The following MAGI2 variants were observed in gnomAD, a reference collection of about 807,000 sequenced individuals.
MAGI2 encodes membrane associated guanylate kinase, WW and PDZ domain containing 2, also known as membrane-associated guanylate kinase, WW and PDZ domain-containing protein 2.
Under a neutral mutation model 133.3 loss-of-function variants are expected in MAGI2, and 35 were observed. The ratio of observed to expected loss-of-function variants is 0.26; its 90% CI spans 0.20 to 0.35. The LOEUF (loss-of-function observed/expected upper bound fraction) is 0.35. MAGI2 is among the 10% of genes least tolerant of loss of function. The pLI, the probability that MAGI2 is intolerant of heterozygous loss-of-function variation, is 1.00. For synonymous variants in MAGI2, 729 were observed against 710.6 expected (o/e 1.03, Z -0.41); for missense variants, 1,636 against 1,863.4 (o/e 0.88, Z 2.25).
In MAGI2 at chr7:78,882,940, T is replaced by C. The variant is rs187382993; in HGVS notation, c.418+124150A>G. On this transcript the variant is annotated intron_variant, in intron 2 of 21. Transcript: ENST00000354212. ...AAAGCTGGAAGCACTCCCTTAAGAA[T>C]AGAAAGAAGATAAGGATGCCCACTC... is the stretch of plus-strand genomic sequence containing the variant. Among the ~76,000 whole-genome samples the C allele has an allele frequency of 5.3e-5, 8 of 151,996 alleles. No individual in the cohort carries two copies. The East Asian group carries it at 1.4e-3, about 26-fold the overall frequency.
At chr7:78,355,786 T>G (rs1162759800) in intron 7 of MAGI2, among the ~76,000 whole-genome samples, 2 of 152,340 alleles carry the variant, frequency 1.3e-5, no homozygotes, top group African/African-American at 2.4e-5. Flanking sequence ...ATTACGAAAT[T>G]GGAAACTTTA....
chr7:78,505,742 T>G lies in MAGI2; in HGVS notation c.755-3955A>C, dbSNP rs186644211. Among the ~76,000 whole-genome samples, 86 of 152,318 alleles carry G rather than the reference T, an allele frequency of 5.6e-4. 1 individual carries two copies. Among genetic ancestry groups the G allele is most frequent in the African/African-American group, 2.0e-3 (82 of 41,576 alleles). Reference sequence around the variant, plus strand: ...ATGTGTAGTCTTTATACAATAATTTTAAGTGTGATGAGTGCTGCCTAAGGG... The same window carrying G: ...ATGTGTAGTCTTTATACAATAATTTGAAGTGTGATGAGTGCTGCCTAAGGG... On this transcript the variant is annotated intron_variant, in intron 4 of 21. Coordinates refer to ENST00000354212, the MANE Select transcript of MAGI2 (RefSeq NM_012301.4).
chr7:79,395,644 T>C (rs565764002), intron 1 of MAGI2, among the ~76,000 whole-genome samples: 1 of 152,320 alleles, frequency 6.6e-6, no homozygotes, highest in African/African-American at 2.4e-5. Context: ...TCAATTTACA[T>C]TGAACCATTT....
chr7:78,375,410 T>C (rs1794347926), intron 6 of MAGI2, among the ~76,000 whole-genome samples: 1 of 152,038 alleles, frequency 6.6e-6, no homozygotes, highest in African/African-American at 2.4e-5. Context: ...TCATGTAAGG[T>C]TGTATGGAGG....
At chr7:79,293,709 T>A (rs1339973731) in intron 1 of MAGI2, among the ~76,000 whole-genome samples, 1 of 152,198 alleles carries the variant, frequency 6.6e-6, no homozygotes, top group Non-Finnish European at 1.5e-5. Context: ...AAATCACTGG[T>A]CAAGGGACAG....
intron 6 of MAGI2, among the ~76,000 whole-genome samples, chr7:78,401,569 G>A (rs988693501): frequency 7.3e-5 from 11 of 151,522 alleles, no homozygotes; most frequent in African/African-American, 1.7e-4. Context: ...CTTTATTCCC[G>A]TTACATATAT....
chr7:78,283,415 A>C (rs948372602), intron 9 of MAGI2, among the ~76,000 whole-genome samples: 21 of 152,250 alleles, frequency 1.4e-4, no homozygotes, highest in Admixed American at 1.0e-3. Context: ...AGTATTTGCC[A>C]AGAAAGAAGG....
intron 11 of MAGI2, among the ~76,000 whole-genome samples, chr7:78,196,379 GCATAGTTAGTA>G (rs1490339923): frequency 2.6e-5 from 4 of 152,060 alleles, no homozygotes; most frequent in African/African-American, 7.3e-5. Context: ...TATTACCAGT[GCATAGTTAGTA>G]CTCAGAAAAA....
intron 2 of MAGI2, among the ~76,000 whole-genome samples, chr7:78,753,510 G>A (rs1585296362): frequency 6.6e-6 from 1 of 152,012 alleles, no homozygotes; most frequent in East Asian, 1.9e-4. Context: ...TCATAAGAGG[G>A]GAAGAGAGAA....
At chr7:78,691,572 T>C (rs929992914) in intron 2 of MAGI2, among the ~76,000 whole-genome samples, 1 of 152,138 alleles carries the variant, frequency 6.6e-6, no homozygotes, top group African/African-American at 2.4e-5. Context: ...GTGTATGATA[T>C]TGTATAAAAA....
At chr7:78,717,647 CT>C (rs1415922496) in intron 2 of MAGI2, among the ~76,000 whole-genome samples, 1 of 152,118 alleles carries the variant, frequency 6.6e-6, no homozygotes, top group Admixed American at 6.5e-5. Context: ...TTTTTATTTA[CT>C]GCAAACTATA....
intron 1 of MAGI2, among the ~76,000 whole-genome samples, chr7:79,391,367 A>T (rs1844594024): frequency 6.6e-6 from 1 of 151,406 alleles, no homozygotes; most frequent in African/African-American, 2.4e-5. Flanking sequence ...TATACAGAAA[A>T]TGACTTCATT....
At chr7:78,771,781 GA>G (rs560707640) in intron 2 of MAGI2, among the ~76,000 whole-genome samples, 11 of 149,892 alleles carry the variant, frequency 7.3e-5, no homozygotes, top group Non-Finnish European at 1.5e-4. Flanking sequence ...AATGTGAAAG[GA>G]AAAAAAAATA....
chr7:79,273,559 G>C (rs1835027545), intron 1 of MAGI2, among the ~76,000 whole-genome samples: 1 of 151,958 alleles, frequency 6.6e-6, no homozygotes, highest in African/African-American at 2.4e-5. Context: ...TCATTGATCA[G>C]CCTGAACCTG....
intron 4 of MAGI2, among the ~76,000 whole-genome samples, chr7:78,506,373 A>G (rs1293200587): frequency 6.6e-6 from 1 of 152,130 alleles, no homozygotes; most frequent in Non-Finnish European, 1.5e-5. Context: ...GAGAATTCTT[A>G]GATGGAAAAA....
At position 78,127,343 on chromosome 7, in the gene MAGI2, G is replaced by T. The variant is rs1407315017; in HGVS notation, c.3277C>A (p.Gln1093Lys). Residue 1093 changes from glutamine to lysine, a missense_variant, in exon 19 of 22, where the codon CAG becomes AAG. Gln to Lys is a moderately conservative substitution (Grantham distance 53, BLOSUM62 1). Coordinates refer to ENST00000354212, the MANE Select transcript of MAGI2 (RefSeq NM_012301.4). ...GGTTGCCTGTAATCCAGCGGGGGCT[G>T]CCTGTAGTCTGTGAATGGAGGCTGT... ...IRQPPFTDYR[Q>K]PPLDYRQPPG... 6.2e-7 allele frequency: 1 copy of T among 1,610,728 alleles called. No individual in the cohort carries two copies. Among genetic ancestry groups the T allele is most frequent in the Admixed American group, 1.7e-5 (1 of 60,002 alleles).
chr7:78,573,053 A>G (rs1488377323), intron 3 of MAGI2, among the ~76,000 whole-genome samples: 3 of 100,316 alleles, frequency 3.0e-5, no homozygotes, highest in South Asian at 3.1e-4. Flanking sequence ...ATATATATAT[A>G]TATATATATA....
chr7:79,111,910 G>A (rs1012815272), intron 1 of MAGI2, among the ~76,000 whole-genome samples: 10 of 150,880 alleles, frequency 6.6e-5, no homozygotes, highest in African/African-American at 4.9e-5. Context: ...CTCGTGATCC[G>A]CCCCTCTCGG....
At chr7:78,057,085 C>T (rs1812659469) in intron 21 of MAGI2, among the ~76,000 whole-genome samples, 1 of 148,226 alleles carries the variant, frequency 6.7e-6, no homozygotes, top group Admixed American at 6.7e-5. Flanking sequence ...TATAAAATCT[C>T]CAAAAGTGGG....
Sources: gnomAD v4.1 joint callset for allele counts (sites outside exome capture counted in the v4.1 genomes callset) on GRCh38, gnomAD v4.1.1 for gene constraint, MANE v1.5 for transcripts, NCBI Gene and HGNC (gene_info 2026-07-23, HGNC 2026-07-21) for gene names.